Variants in WLS observed in about 807,000 individuals in gnomAD.
WLS encodes Wnt ligand secretion mediator, also known as protein wntless homolog.
Under a neutral mutation model 62.8 loss-of-function variants are expected in WLS, and 23 were observed. The ratio of observed to expected loss-of-function variants is 0.37; its 90% CI spans 0.26 to 0.52. The LOEUF is 0.52. Among genes scored for constraint, WLS ranks in the 20% least tolerant of loss-of-function variants. The probability of loss-of-function intolerance (pLI) is 0.92; values close to 1 mark genes in which losing one functional copy is unlikely to be tolerated. For synonymous variants in WLS, 246 were observed against 244.1 expected (o/e 1.01, Z -0.07); for missense variants, 615 against 697.3 (o/e 0.88, Z 1.33).
At chr1:68,207,904 G>T (rs907119927) in intron 1 of WLS, among the ~76,000 whole-genome samples, 1 of 152,190 alleles carries the variant, frequency 6.6e-6, no homozygotes, top group Non-Finnish European at 1.5e-5. Flanking sequence ...CACATGAGAA[G>T]AATTAGAATC....
downstream of WLS, chr1:68,098,468 TA>T: frequency 8.9e-7 from 1 of 1,127,448 alleles, no homozygotes; most frequent in Non-Finnish European, 1.2e-6. Flanking sequence ...GTAAGAGAAG[TA>T]AGACAATACT....
At chr1:68,216,895 A>G (rs1408752292) in intron 1 of WLS, among the ~76,000 whole-genome samples, 2 of 152,190 alleles carry the variant, frequency 1.3e-5, no homozygotes, top group African/African-American at 4.8e-5. Flanking sequence ...TATCTTCCCA[A>G]AGGAAATCAC....
At chr1:68,132,337 A>G (rs1477759283) in intron 11 of WLS, among the ~76,000 whole-genome samples, 1 of 152,220 alleles carries the variant, frequency 6.6e-6, no homozygotes, top group African/African-American at 2.4e-5. Flanking sequence ...CCCGTGTGAC[A>G]AGACCAATCC....
rs1646042777 is a variant in WLS at position 68,098,949 on chromosome 1, C to A, written c.1511-196G>T. 9.7e-6 allele frequency: 7 copies of A among 723,732 alleles called. No individual in the cohort carries two copies. In the South Asian group the frequency reaches 1.5e-4, roughly 16 times the overall value. The allele number at this position is 723,732 out of a possible 1,614,324, so 44.8% of individuals were successfully genotyped here. A position where few individuals can be genotyped will look rare whatever the true frequency, so the allele number is the denominator to read the frequency against. On this transcript the variant is annotated intron_variant, in intron 11 of 11. Coordinates refer to the WLS transcript ENST00000354777. ...CAGATTTCTCCCTTGCCCACTAAAT[C>A]TCAATAGCACCTCCTCCCTCAATTA...
chr1:68,098,587 ACAACTG>A (rs1434281845), exon 12 of WLS: 1 of 1,607,318 alleles, frequency 6.2e-7, no homozygotes, highest in Non-Finnish European at 8.5e-7. Context: ...TGTGACTGTG[ACAACTG>A]CAAATGCAAA....
chr1:68,206,410 T>G (rs1190194012), intron 1 of WLS, among the ~76,000 whole-genome samples: 1 of 152,148 alleles, frequency 6.6e-6, no homozygotes, highest in East Asian at 1.9e-4. Flanking sequence ...ACCACACCAG[T>G]TGAAGAAAAT....
chr1:68,162,486 A>G, intron 2 of WLS: 3 of 1,613,898 alleles, frequency 1.9e-6, no homozygotes, highest in Non-Finnish European at 2.5e-6. Flanking sequence ...CGCTGAATCC[A>G]AAGGCCTTGG....
At chr1:68,131,484 A>G (rs990048750) in intron 11 of WLS, among the ~76,000 whole-genome samples, 8 of 151,476 alleles carry the variant, frequency 5.3e-5, no homozygotes, top group Non-Finnish European at 1.0e-4. Flanking sequence ...GGACAGGGTT[A>G]AGAGCCCTGG....
intron 1 of WLS, among the ~76,000 whole-genome samples, chr1:68,198,276 G>A (rs1405139987): frequency 1.3e-5 from 2 of 152,174 alleles, no homozygotes; most frequent in Non-Finnish European, 2.9e-5. Flanking sequence ...TTGGGAATAT[G>A]CACAGAAGTT....
chr1:68,222,402 G>A (rs1042949657), intron 1 of WLS, among the ~76,000 whole-genome samples: 8 of 152,178 alleles, frequency 5.3e-5, no homozygotes, highest in African/African-American at 1.4e-4. Context: ...GATTGGCTAA[G>A]TATATTAAGG....
At chr1:68,109,332 G>A (rs1371742498) in intron 11 of WLS, among the ~76,000 whole-genome samples, 1 of 152,202 alleles carries the variant, frequency 6.6e-6, no homozygotes, top group Non-Finnish European at 1.5e-5. Context: ...CGTGGATTAA[G>A]CAACAATATA....
chr1:68,164,276 A>C (rs1193488616), intron 2 of WLS, among the ~76,000 whole-genome samples: 2 of 147,404 alleles, frequency 1.4e-5, no homozygotes, highest in Admixed American at 6.7e-5. Flanking sequence ...TTTTTTTTTT[A>C]AGACAGAGTT....
chr1:68,132,329 C>G (rs529991907), intron 11 of WLS, among the ~76,000 whole-genome samples: 1 of 152,144 alleles, frequency 6.6e-6, no homozygotes, highest in Non-Finnish European at 1.5e-5. Context: ...GGGTCCAGCC[C>G]GTGTGACAAG....
chr1:68,155,102 C>A lies in WLS; in HGVS notation c.663G>T (p.Leu221Phe). Residue 221 changes from leucine (L) to phenylalanine (F), a missense_variant, in exon 4 of 12, where the codon TTG (leucine) becomes TTT (phenylalanine). Leu to Phe is a conservative substitution (Grantham distance 22). Coordinates refer to ENST00000262348, the MANE Select transcript of WLS (RefSeq NM_024911.7). ...VGIGEIKDIR[L>F]VGIHQNGGFT... is the part of the protein sequence containing the mutation. ...AAGATCAATTACATTCACTTACCAC[C>A]AACCGGATATCCTTTATCTCCCCAA... is the stretch of plus-strand genomic sequence containing the variant. The A allele has an allele frequency of 6.2e-7, 1 of 1,613,298 alleles. No homozygotes were observed. The highest frequency in any genetic ancestry group is 1.1e-5 in the South Asian group (1 of 90,906).
intron 10 of WLS, among the ~76,000 whole-genome samples, chr1:68,143,406 T>A (rs1646712726): frequency 1.3e-5 from 2 of 152,230 alleles, no homozygotes; most frequent in African/African-American, 4.8e-5. Context: ...CAGCTACTCA[T>A]GCTTACAATG....
upstream of WLS, chr1:68,232,533 G>C (rs1376858949): frequency 2.8e-6 from 2 of 725,828 alleles, no homozygotes; most frequent in African/African-American, 1.8e-5. Context: ...TGGCCGCTCC[G>C]CCGCCTGTGG....
chr1:68,124,996 G>T (rs1410064719), downstream of WLS, among the ~76,000 whole-genome samples: 1 of 152,192 alleles, frequency 6.6e-6, no homozygotes, highest in East Asian at 1.9e-4. Flanking sequence ...GAAATAGCCA[G>T]GTCAGATGTA....
chr1:68,172,772 A>T (rs888983556), intron 2 of WLS, among the ~76,000 whole-genome samples: 4 of 152,216 alleles, frequency 2.6e-5, no homozygotes, highest in Non-Finnish European at 4.4e-5. Flanking sequence ...TTACAGGCAG[A>T]GGAAGCCCCA....
At chr1:68,123,706 C>G (rs1401787531), downstream of WLS, among the ~76,000 whole-genome samples, 1 of 152,116 alleles carries the variant, frequency 6.6e-6, no homozygotes, top group African/African-American at 2.4e-5. Flanking sequence ...AGCCATTTGA[C>G]CTGACTTCCT....
Sources: allele counts gnomAD v4.1 joint callset (sites outside exome capture counted in the v4.1 genomes callset), GRCh38; gene constraint gnomAD v4.1.1; transcripts MANE v1.5; gene names NCBI Gene and HGNC (gene_info 2026-07-23, HGNC 2026-07-21).